Variants in PDE11A observed in about 807,000 individuals in gnomAD.
PDE11A encodes dual 3',5'-cyclic-AMP and -GMP phosphodiesterase 11A.
A neutral mutation model predicts 100.5 loss-of-function variants in PDE11A; 100 were observed. That is an observed-to-expected ratio of 1.00 (90% CI 0.85 to 1.18). PDE11A has a LOEUF of 1.18. Ranked by LOEUF, PDE11A falls within the 50% of genes most tolerant of loss-of-function variation. The probability of loss-of-function intolerance (pLI) is 0.00; values close to 1 mark genes in which losing one functional copy is unlikely to be tolerated. For synonymous variants in PDE11A, 381 were observed against 420.8 expected (o/e 0.91, Z 1.16); for missense variants, 1,141 against 1,152.6 (o/e 0.99, Z 0.15).
intron 2 of PDE11A, among the ~76,000 whole-genome samples, chr2:177,987,751 G>A (rs986618173): frequency 5.3e-5 from 8 of 152,156 alleles, no homozygotes; most frequent in Non-Finnish European, 8.8e-5. Context: ...ACATTTCTCA[G>A]TTGTGTTTTA....
At chr2:178,004,722 T>C (rs1017518006) in intron 2 of PDE11A, among the ~76,000 whole-genome samples, 1 of 152,194 alleles carries the variant, frequency 6.6e-6, no homozygotes, top group Non-Finnish European at 1.5e-5. Flanking sequence ...TCAAGAGCTA[T>C]GGATGTATCA....
At chr2:177,704,887 C>T (rs1239442155) in intron 13 of PDE11A, among the ~76,000 whole-genome samples, 1 of 152,062 alleles carries the variant, frequency 6.6e-6, no homozygotes, top group East Asian at 1.9e-4. Flanking sequence ...GTCACCCAGG[C>T]TGGAGTGCAA....
At chr2:178,000,771 C>T (rs2086134918) in intron 2 of PDE11A, among the ~76,000 whole-genome samples, 1 of 152,114 alleles carries the variant, frequency 6.6e-6, no homozygotes, top group Non-Finnish European at 1.5e-5. Context: ...AGCTGAAATG[C>T]CACAAGGCAA....
chr2:177,879,117 C>T lies in PDE11A; in HGVS notation c.1303-3194G>A, dbSNP rs915546963. On this transcript the variant is annotated intron_variant, in intron 4 of 19. Coordinates refer to ENST00000286063, the MANE Select transcript of PDE11A (RefSeq NM_016953.4). ...TACTATTGATTAGAATAATTTACAG[C>T]GTGGTAAGAGTAGATGTTAATTTCT... 9.9e-5 allele frequency among the ~76,000 whole-genome samples: 15 copies of T among 152,008 alleles called. No individual in the cohort carries two copies. In the East Asian group the frequency reaches 1.5e-3, roughly 16 times the overall value.
At chr2:177,641,238 G>C (rs761958177) in intron 19 of PDE11A, among the ~76,000 whole-genome samples, 8 of 152,250 alleles carry the variant, frequency 5.3e-5, no homozygotes, top group African/African-American at 1.9e-4. Context: ...TATCAGAAAA[G>C]AGTATTGTGG....
intron 17 of PDE11A, among the ~76,000 whole-genome samples, chr2:177,671,574 G>A (rs79339123): frequency 0.022 from 3,248 of 149,820 alleles, 113 homozygotes; most frequent in African/African-American, 0.072. Context: ...ATTTTGAAGT[G>A]AGCATTAAAA....
At chr2:177,873,461 T>C (rs950688944) in intron 5 of PDE11A, among the ~76,000 whole-genome samples, 2 of 152,236 alleles carry the variant, frequency 1.3e-5, no homozygotes, top group East Asian at 1.9e-4. Flanking sequence ...TAGATGTGAA[T>C]ATAAATACAT....
chr2:178,071,606 C>T lies in PDE11A; in HGVS notation c.832G>A (p.Val278Met). 1 of 1,614,022 alleles carries T rather than the reference C, an allele frequency of 6.2e-7. No homozygotes were observed. Among genetic ancestry groups the T allele is most frequent in the Non-Finnish European group, 8.5e-7 (1 of 1,179,904 alleles). The change falls in exon 1 of 20, where the codon GTG becomes ATG. Residue 278 changes from valine (V) to methionine (M), a missense_variant. Physicochemically the swap from Val to Met is conservative, Grantham distance 21. Coordinates refer to ENST00000286063, the MANE Select transcript of PDE11A (RefSeq NM_016953.4). ...ATACCTTTGCCCCAGGGGACCTGCACCTCATTTGAGTTCTCTGTGCTGCTG... is the reference window on the plus strand; with the variant it reads ...ATACCTTTGCCCCAGGGGACCTGCATCTCATTTGAGTTCTCTGTGCTGCTG... ...PCSSTENSNE[V>M]QVPWGKGIIG...
At chr2:177,879,918 A>G (rs1056953274) in intron 4 of PDE11A, among the ~76,000 whole-genome samples, 1 of 152,260 alleles carries the variant, frequency 6.6e-6, no homozygotes. Context: ...TTACAAGCTG[A>G]AAAGAAAAAT....
intron 9 of PDE11A, among the ~76,000 whole-genome samples, chr2:177,770,004 G>A (rs1244914384): frequency 6.6e-6 from 1 of 152,022 alleles, no homozygotes; most frequent in Non-Finnish European, 1.5e-5. Flanking sequence ...GCATGTGTGT[G>A]CGATCTGTAG....
At chr2:177,659,631 G>A (rs2080444417) in intron 19 of PDE11A, among the ~76,000 whole-genome samples, 1 of 152,164 alleles carries the variant, frequency 6.6e-6, no homozygotes, top group Admixed American at 6.5e-5. Flanking sequence ...ATTTGGTTAA[G>A]TTGAGAATGA....
chr2:177,982,281 C>A (rs1424523511), intron 2 of PDE11A, among the ~76,000 whole-genome samples: 1 of 150,286 alleles, frequency 6.7e-6, no homozygotes, highest in Non-Finnish European at 1.5e-5. Flanking sequence ...GATTGTAACT[C>A]CACTCTCATC....
intron 1 of PDE11A, among the ~76,000 whole-genome samples, chr2:178,056,014 G>T (rs2086895660): frequency 6.6e-6 from 1 of 151,922 alleles, no homozygotes; most frequent in African/African-American, 2.4e-5. Flanking sequence ...GTTCTGTGTA[G>T]TTTTTAGTCA....
chr2:178,089,533 G>A (rs1364769906), intron 2 of PDE11A, among the ~76,000 whole-genome samples: 2 of 152,214 alleles, frequency 1.3e-5, no homozygotes, highest in Admixed American at 6.5e-5. Flanking sequence ...TATCAAAGCT[G>A]AGGTGTGAGG....
intron 16 of PDE11A, among the ~76,000 whole-genome samples, chr2:177,678,667 T>A (rs904317273): frequency 6.6e-6 from 1 of 151,930 alleles, no homozygotes; most frequent in Non-Finnish European, 1.5e-5. Flanking sequence ...AACCATGAAA[T>A]GGGGGAGGGA....
intron 10 of PDE11A, among the ~76,000 whole-genome samples, chr2:177,738,455 A>C (rs1370984289): frequency 6.6e-6 from 1 of 152,234 alleles, no homozygotes; most frequent in Non-Finnish European, 1.5e-5. Context: ...TACATTACAC[A>C]TTAAGGTTTA....
intron 1 of PDE11A, among the ~76,000 whole-genome samples, chr2:178,035,595 A>C (rs1469621858): frequency 6.6e-6 from 1 of 152,208 alleles, no homozygotes; most frequent in African/African-American, 2.4e-5. Context: ...TTTCAGGCCA[A>C]TGTCCCTGAA....
At chr2:177,823,652 C>G (rs1180214858) in intron 6 of PDE11A, among the ~76,000 whole-genome samples, 1 of 152,130 alleles carries the variant, frequency 6.6e-6, no homozygotes, top group East Asian at 1.9e-4. Flanking sequence ...TCCAAAAAAA[C>G]AAACTGGTTT....
chr2:177,813,725 G>A (rs954323384), intron 9 of PDE11A, among the ~76,000 whole-genome samples: 3 of 151,966 alleles, frequency 2.0e-5, no homozygotes, highest in Non-Finnish European at 4.4e-5. Context: ...AACTCTCTAG[G>A]CCATGAACTA....
Sources: gnomAD v4.1 joint callset for allele counts (sites outside exome capture counted in the v4.1 genomes callset) on GRCh38, gnomAD v4.1.1 for gene constraint, MANE v1.5 for transcripts, NCBI Gene and HGNC (gene_info 2026-07-23, HGNC 2026-07-21) for gene names.